The following PTPRM variants were observed in gnomAD, a reference collection of about 807,000 sequenced individuals.
PTPRM encodes the protein protein tyrosine phosphatase receptor type M.
PTPRM carries 47 observed loss-of-function variants against 186.7 expected under a neutral mutation model. That is an observed-to-expected ratio of 0.25 (90% CI 0.20 to 0.32). The LOEUF is 0.32. PTPRM is among the 10% of genes least tolerant of loss of function. The pLI is 1.00. For missense variants in PTPRM, 1,494 were observed against 1,865.0 expected (o/e 0.80, Z 3.66); for synonymous variants, 668 against 674.9 (o/e 0.99, Z 0.16).
chr18:8,152,067 C>T (rs1198781733), intron 14 of PTPRM, among the ~76,000 whole-genome samples: 1 of 152,104 alleles, frequency 6.6e-6, no homozygotes, highest in Admixed American at 6.5e-5. Context: ...GTGTTGATCT[C>T]GCTGGGAGCT....
intron 1 of PTPRM, among the ~76,000 whole-genome samples, chr18:7,765,446 A>G (rs1283387691): frequency 6.6e-6 from 1 of 152,218 alleles, no homozygotes; most frequent in African/African-American, 2.4e-5. Context: ...CTCAAAGTTT[A>G]GGAGGCATTA....
At chr18:8,070,381 T>G (rs988917052) in intron 8 of PTPRM, among the ~76,000 whole-genome samples, 15 of 135,360 alleles carry the variant, frequency 1.1e-4, no homozygotes, top group Non-Finnish European at 6.6e-5. Context: ...TAAATATATT[T>G]AAATGGCATT....
At chr18:7,984,756 CAT>C (rs1256083347) in intron 7 of PTPRM, among the ~76,000 whole-genome samples, 2 of 133,450 alleles carry the variant, frequency 1.5e-5, no homozygotes, top group Non-Finnish European at 3.1e-5. Context: ...ATTATATACA[CAT>C]ATATAAATAT....
chr18:8,297,865 G>A (rs1457674859), intron 20 of PTPRM, among the ~76,000 whole-genome samples: 2 of 152,194 alleles, frequency 1.3e-5, no homozygotes, highest in Non-Finnish European at 2.9e-5. Context: ...TGGTTTTAGA[G>A]CGTGCTGTAT....
chr18:7,842,941 T>C (rs1260414491), intron 2 of PTPRM, among the ~76,000 whole-genome samples: 2 of 120,564 alleles, frequency 1.7e-5, no homozygotes, highest in Admixed American at 8.4e-5. Flanking sequence ...TATATATATA[T>C]ATATATAGAG....
At chr18:7,969,023 C>G (rs1028714354) in intron 7 of PTPRM, among the ~76,000 whole-genome samples, 7 of 68,518 alleles carry the variant, frequency 1.0e-4, no homozygotes, top group Non-Finnish European at 2.0e-4. Context: ...AGCACCACAC[C>G]ACACCTATTC....
intron 19 of PTPRM, among the ~76,000 whole-genome samples, chr18:8,287,097 T>TAAA (rs369293033): frequency 1.2e-4 from 18 of 147,836 alleles, no homozygotes; most frequent in Non-Finnish European, 2.2e-4. Flanking sequence ...ATGTTTGCTT[T>TAAA]AAAAAAAAAA....
intron 2 of PTPRM, among the ~76,000 whole-genome samples, chr18:7,865,654 G>A (rs1467044970): frequency 6.6e-6 from 1 of 152,008 alleles, no homozygotes; most frequent in Non-Finnish European, 1.5e-5. Context: ...TTCTTTTTTT[G>A]TTGTGTCTCT....
At chr18:7,599,572 T>C (rs1342236580) in intron 1 of PTPRM, among the ~76,000 whole-genome samples, 3 of 152,206 alleles carry the variant, frequency 2.0e-5, no homozygotes, top group East Asian at 1.9e-4. Flanking sequence ...GGCTTAAGTC[T>C]GTGCATGCTC....
intron 14 of PTPRM, among the ~76,000 whole-genome samples, chr18:8,165,199 A>G (rs542226654): frequency 1.3e-5 from 2 of 152,004 alleles, no homozygotes; most frequent in African/African-American, 2.4e-5. Context: ...AAAGAAAGAA[A>G]TGTTCTAATA....
In PTPRM at chr18:7,708,384, C is replaced by A. The variant is rs576024889; in HGVS notation, c.74-65765C>A. Among the ~76,000 whole-genome samples the A allele has an allele frequency of 1.3e-4, 20 of 152,262 alleles. No homozygotes were observed. In the East Asian group the frequency reaches 3.3e-3, roughly 25 times the overall value. ...AAAAAGACTGAAAACTATAATCAAG[C>A]TCTTTCTGTGTAATTTGCTATAGAT... On this transcript the variant is annotated intron_variant, in intron 1 of 32. Transcript: ENST00000580170.
At chr18:7,835,416 T>G (rs1206801418) in intron 2 of PTPRM, among the ~76,000 whole-genome samples, 9 of 152,108 alleles carry the variant, frequency 5.9e-5, no homozygotes, top group Admixed American at 5.9e-4. Flanking sequence ...TATTGATTTC[T>G]TTTTTATCCC....
At chr18:8,056,759 A>AT in intron 7 of PTPRM, among the ~76,000 whole-genome samples, 1 of 151,982 alleles carries the variant, frequency 6.6e-6, no homozygotes, top group African/African-American at 2.4e-5. Context: ...AGCAAAAAAA[A>AT]AAAAAATGGA....
At chr18:8,253,746 C>T (rs746281660) in intron 19 of PTPRM, among the ~76,000 whole-genome samples, 17 of 152,042 alleles carry the variant, frequency 1.1e-4, no homozygotes, top group Non-Finnish European at 2.2e-4. Context: ...ATATCAAGGC[C>T]GACTGTATTT....
chr18:8,154,950 T>C (rs376725285), intron 14 of PTPRM: 1 of 152,252 alleles, frequency 6.6e-6, no homozygotes, highest in South Asian at 2.1e-4. Context: ...GCAAAGCAAT[T>C]TTTTATTTTC....
chr18:7,924,827 G>A (rs1413632974), intron 4 of PTPRM, among the ~76,000 whole-genome samples: 2 of 152,176 alleles, frequency 1.3e-5, no homozygotes, highest in South Asian at 2.1e-4. Context: ...AGACCCAGGG[G>A]AGCCACTGCA....
At chr18:8,116,468 G>A (rs962605017) in intron 13 of PTPRM, among the ~76,000 whole-genome samples, 5 of 152,104 alleles carry the variant, frequency 3.3e-5, no homozygotes, top group African/African-American at 1.2e-4. Context: ...ATAATCTGGG[G>A]GTCAAGGCCT....
At chr18:7,830,215 G>A (rs2045689479) in intron 2 of PTPRM, among the ~76,000 whole-genome samples, 1 of 152,038 alleles carries the variant, frequency 6.6e-6, no homozygotes, top group African/African-American at 2.4e-5. Context: ...TGTGTTTCAA[G>A]TGGAGCCCCA....
intron 32 of PTPRM, among the ~76,000 whole-genome samples, chr18:8,396,905 A>G (rs2095847822): frequency 1.3e-5 from 2 of 152,208 alleles, no homozygotes; most frequent in Non-Finnish European, 2.9e-5. Flanking sequence ...TTTTGCCTGT[A>G]AATACGACTT....
Sources: allele counts gnomAD v4.1 joint callset (sites outside exome capture counted in the v4.1 genomes callset), GRCh38; gene constraint gnomAD v4.1.1; transcripts MANE v1.5; gene names NCBI Gene and HGNC (gene_info 2026-07-23, HGNC 2026-07-21).